The following KDM2B variants were observed in gnomAD, a reference collection of about 807,000 sequenced individuals.
KDM2B encodes the protein lysine demethylase 2B, also known as lysine-specific demethylase 2B.
Under a neutral mutation model 150.0 loss-of-function variants are expected in KDM2B, and 26 were observed. The observed-to-expected ratio is 0.17, with a 90% CI of 0.13 to 0.24. KDM2B has a LOEUF of 0.24. KDM2B is among the 10% of genes least tolerant of loss of function. The probability of loss-of-function intolerance (pLI) is 1.00; values close to 1 mark genes in which losing one functional copy is unlikely to be tolerated. For missense variants in KDM2B, 1,265 were observed against 1,816.9 expected (o/e 0.70, Z 5.52); for synonymous variants, 734 against 729.5 (o/e 1.01, Z -0.10).
the KDM2B span, chr12:121,416,397 A>G: frequency 2.7e-6 from 4 of 1,456,818 alleles, no homozygotes; most frequent in East Asian, 6.8e-5. Context: ...ATGAAATGTT[A>G]CATAACAACA....
intron 4 of KDM2B, among the ~76,000 whole-genome samples, chr12:121,561,933 A>G (rs1171705063): frequency 2.6e-5 from 4 of 152,202 alleles, no homozygotes; most frequent in African/African-American, 9.7e-5. Flanking sequence ...ACACTTTGGG[A>G]GGCTGAGGTA....
intron 12 of KDM2B, among the ~76,000 whole-genome samples, chr12:121,477,437 G>T (rs960163257): frequency 2.0e-5 from 3 of 152,154 alleles, no homozygotes; most frequent in Admixed American, 1.3e-4. Flanking sequence ...ACGCTGGAGT[G>T]CAGTGGCACA....
intron 4 of KDM2B, among the ~76,000 whole-genome samples, chr12:121,564,164 T>C (rs1890534903): frequency 6.6e-6 from 1 of 151,224 alleles, no homozygotes; most frequent in Non-Finnish European, 1.5e-5. Context: ...AACAAGGAAA[T>C]ATATTAAAAG....
intron 9 of KDM2B, among the ~76,000 whole-genome samples, chr12:121,514,160 G>A (rs1555304503): frequency 6.6e-6 from 1 of 152,146 alleles, no homozygotes; most frequent in Non-Finnish European, 1.5e-5. Context: ...TGTCACCCAG[G>A]CTGGAGTGCA....
At chr12:121,536,654 G>C (rs560547789) in intron 6 of KDM2B, among the ~76,000 whole-genome samples, 14 of 148,706 alleles carry the variant, frequency 9.4e-5, no homozygotes, top group African/African-American at 3.3e-4. Context: ...CCATCTCTTC[G>C]TCTTGGTTTT....
Position 121,518,623 on chromosome 12 carries a change from G to T in KDM2B, c.1047+2362C>A, listed in dbSNP as rs1262669264. Among the ~76,000 whole-genome samples, 1 of 152,186 alleles carries T rather than the reference G, an allele frequency of 6.6e-6. No homozygotes were observed. The highest frequency in any genetic ancestry group is 1.5e-5 in the Non-Finnish European group (1 of 68,040). On this transcript the variant is annotated intron_variant, in intron 9 of 22. Coordinates refer to ENST00000377071, the MANE Select transcript of KDM2B (RefSeq NM_032590.5). This position sits in a 1 kb window ranked among gnomAD's most constrained non-coding sequence, Gnocchi z 4.4. ...ACCCTGCCAGTCGTCATGGGTGGGG[G>T]AAGGGACCTGGGCTCCTAAGGGAAC...
rs1485782320 is a variant in KDM2B, at chr12:121,467,971, T to A, written c.1735-14627A>T. 1 of 152,726 alleles carries A rather than the reference T, an allele frequency of 6.5e-6. No homozygotes were observed. Among genetic ancestry groups the A allele is most frequent in the Non-Finnish European group, 1.5e-5 (1 of 68,482 alleles). 9.5% of individuals were successfully genotyped at this position (152,726 alleles called of 1,614,324 possible). ...CGCGGGCGGTTGGGCTGGGCCGGCCTCCTGGCGCTGCACCTCCGGCACTCG... is the reference window on the plus strand; with the variant it reads ...CGCGGGCGGTTGGGCTGGGCCGGCCACCTGGCGCTGCACCTCCGGCACTCG... On this transcript the variant is annotated intron_variant, in intron 12 of 22. Coordinates refer to ENST00000377071, the MANE Select transcript of KDM2B (RefSeq NM_032590.5). This position sits in a 1 kb window ranked among gnomAD's most constrained non-coding sequence, Gnocchi z 5.1.
At position 121,440,896 on chromosome 12, in the gene KDM2B, G is replaced by A. The variant is rs201936222; in HGVS notation, c.3530C>T (p.Thr1177Ile). 1.2e-4 allele frequency: 193 copies of A among 1,614,022 alleles called. No individual in the cohort carries two copies. The highest frequency in any genetic ancestry group is 1.6e-4 in the Non-Finnish European group (186 of 1,179,972). ...TCCCTCCACCCACTGGACATCCAGG[G>A]TCCGGAGCAGCGGACAACTGGAGCT... ...LCSSSCPLLR[T>I]LDVQWVEGLK... is the part of the protein sequence containing the mutation. Residue 1177 changes from threonine (T) to isoleucine (I), a missense_variant, in exon 21 of 23, where the codon ACC becomes ATC. Thr to Ile is a moderately conservative substitution (Grantham distance 89). Around this residue, in one of 11 missense-constraint regions of KDM2B, gnomAD observed 251 missense variants for 397.8 expected, o/e 0.63. Transcript: ENST00000377071.
chr12:121,449,475 T>G (rs1555291084), intron 13 of KDM2B, among the ~76,000 whole-genome samples: 1 of 151,266 alleles, frequency 6.6e-6, no homozygotes, highest in Non-Finnish European at 1.5e-5. Flanking sequence ...CTGAAGAGAG[T>G]AGGAGACGTA....
rs1246376916 is a variant in KDM2B, at chr12:121,453,573, C to T, written c.1735-229G>A. ...TAATCCAGTATGACTGGTGTCCTTA[C>T]GAAAGGGGAACTTTTGGACACAGAG... is the stretch of plus-strand genomic sequence containing the variant. On this transcript the variant is annotated intron_variant, in intron 12 of 22. Transcript: ENST00000377071. The surrounding 1 kb of genome is among the most constrained non-coding windows in gnomAD (Gnocchi z 6.4). 6.6e-6 allele frequency among the ~76,000 whole-genome samples: 1 copy of T among 152,138 alleles called. No homozygotes were observed. The highest frequency in any genetic ancestry group is 2.4e-5 in the African/African-American group (1 of 41,408).
intron 12 of KDM2B, among the ~76,000 whole-genome samples, chr12:121,482,459 C>T (rs1343649908): frequency 3.3e-5 from 5 of 152,128 alleles, no homozygotes; most frequent in Admixed American, 6.6e-5. Context: ...CCCGCCACCA[C>T]GCCCAGCTAA....
chr12:121,466,610 AC>A (rs1349248476), intron 12 of KDM2B, among the ~76,000 whole-genome samples: 11 of 151,060 alleles, frequency 7.3e-5, no homozygotes, highest in African/African-American at 2.7e-4. Flanking sequence ...CCGTCTGCCC[AC>A]GGCGGGCGGC....
Position 121,466,576 on chromosome 12 carries a change from C to G in KDM2B, c.1735-13232G>C, listed in dbSNP as rs1468580868. ...GGGTTCCGGGTGGCCCGCGCCGGCC[C>G]GCGGCTCGCACCCCTTCCTGTCTCC... On this transcript the variant is annotated intron_variant, in intron 12 of 22. Transcript: ENST00000377071. Among the ~76,000 whole-genome samples, 3 of 151,588 alleles carry G rather than the reference C, an allele frequency of 2.0e-5. No homozygotes were observed. The East Asian group carries it at 5.8e-4, about 29-fold the overall frequency.
the KDM2B span, among the ~76,000 whole-genome samples, chr12:121,414,828 T>C: frequency 6.6e-6 from 1 of 152,216 alleles, no homozygotes; most frequent in South Asian, 2.1e-4. Context: ...GCACGGTGGC[T>C]CATGCCTGTA....
At chr12:121,421,371 T>TAAAAAAA in the KDM2B span, among the ~76,000 whole-genome samples, 34 of 46,350 alleles carry the variant, frequency 7.3e-4, 1 homozygote, top group Admixed American at 2.0e-3. Flanking sequence ...ATCCCATCTC[T>TAAAAAAA]AAAAAAAAAA....
rs1555305957 is a variant in KDM2B, at chr12:121,521,509, C to T, written c.932-409G>A. On this transcript the variant is annotated intron_variant, in intron 8 of 22. Transcript: ENST00000377071. This position sits in a 1 kb window ranked among gnomAD's most constrained non-coding sequence, Gnocchi z 4.9. Reference sequence around the variant, plus strand: ...ACATGTGTCCAGAGTCTTTCCTCACCATCCCAGAGGGGTCACAAAGGATGG... The same window carrying T: ...ACATGTGTCCAGAGTCTTTCCTCACTATCCCAGAGGGGTCACAAAGGATGG... 6.6e-6 allele frequency among the ~76,000 whole-genome samples: 1 copy of T among 152,192 alleles called. No individual in the cohort carries two copies. The highest frequency in any genetic ancestry group is 1.5e-5 in the Non-Finnish European group (1 of 68,030).
At chr12:121,502,447 C>T (rs1884653618) in intron 11 of KDM2B, among the ~76,000 whole-genome samples, 1 of 152,038 alleles carries the variant, frequency 6.6e-6, no homozygotes, top group Non-Finnish European at 1.5e-5. Context: ...CATGGCGAAA[C>T]CCCACCTCTA....
In KDM2B at chr12:121,473,406, C is replaced by T. The variant is rs1193597236; in HGVS notation, c.1735-20062G>A. 6.2e-5 allele frequency among the ~76,000 whole-genome samples: 8 copies of T among 129,412 alleles called. No individual in the cohort carries two copies. In the Admixed American group the frequency reaches 6.3e-4, roughly 10 times the overall value. 84.9% of individuals were successfully genotyped at this position (129,412 alleles called of 152,430 possible). On this transcript the variant is annotated intron_variant, in intron 12 of 22. Transcript: ENST00000377071. ...TCTGTCTCAAAAAAAAAAAAAAAAT[C>T]AAAATGAGATGATAAAGAAGACAGT...
chr12:121,550,619 G>C (rs1159625649), intron 4 of KDM2B, among the ~76,000 whole-genome samples: 1 of 152,160 alleles, frequency 6.6e-6, no homozygotes, highest in African/African-American at 2.4e-5. Context: ...TCAGCCTCCT[G>C]AATAGCTGGG....
Sources: gnomAD v4.1 joint callset for allele counts (sites outside exome capture counted in the v4.1 genomes callset) on GRCh38, gnomAD v4.1.1 for gene constraint, gnomAD v4.1.1 regional missense constraint, Gnocchi (gnomAD v3.1) non-coding constraint, MANE v1.5 for transcripts, NCBI Gene and HGNC (gene_info 2026-07-23, HGNC 2026-07-21) for gene names.